The following PRKG1 variants were observed in gnomAD, a reference collection of about 807,000 sequenced individuals.
The protein encoded by PRKG1 is protein kinase cGMP-dependent 1, also known as cGMP-dependent protein kinase 1.
Under a neutral mutation model 88.1 loss-of-function variants are expected in PRKG1, and 35 were observed. That is an observed-to-expected ratio of 0.40 (90% CI 0.30 to 0.53). The LOEUF (loss-of-function observed/expected upper bound fraction) is 0.53. Among genes scored for constraint, PRKG1 ranks in the 20% least tolerant of loss-of-function variants. The pLI is 0.59. For missense variants in PRKG1, 540 were observed against 839.8 expected (o/e 0.64, Z 4.41); for synonymous variants, 303 against 292.5 (o/e 1.04, Z -0.37).
chr10:51,762,312 A>G (rs1252508148), intron 3 of PRKG1, among the ~76,000 whole-genome samples: 1 of 152,178 alleles, frequency 6.6e-6, no homozygotes, highest in African/African-American at 2.4e-5. Context: ...TAGGCTCCTC[A>G]TATTTGGATA....
intron 1 of PRKG1, among the ~76,000 whole-genome samples, chr10:51,144,075 T>C (rs1391943195): frequency 6.6e-6 from 1 of 152,134 alleles, no homozygotes; most frequent in Non-Finnish European, 1.5e-5. Flanking sequence ...TTCCCCTATG[T>C]TTTCCTCTAG....
intron 2 of PRKG1, among the ~76,000 whole-genome samples, chr10:51,324,271 C>A (rs1332414481): frequency 6.6e-6 from 1 of 152,060 alleles, no homozygotes; most frequent in Non-Finnish European, 1.5e-5. Flanking sequence ...CCTTCCAGGC[C>A]TCTAGTAACC....
intron 3 of PRKG1, among the ~76,000 whole-genome samples, chr10:51,592,824 A>G (rs1005135741): frequency 3.3e-5 from 5 of 152,138 alleles, no homozygotes; most frequent in African/African-American, 1.2e-4. Context: ...GCTACATCTC[A>G]TGAAGGGAAC....
At chr10:52,205,532 G>GT (rs947904428) in intron 9 of PRKG1, among the ~76,000 whole-genome samples, 7 of 152,186 alleles carry the variant, frequency 4.6e-5, no homozygotes, top group African/African-American at 1.7e-4. Context: ...TTAAAAGTGT[G>GT]TTTTTTTGGT....
chr10:51,343,102 T>C (rs1331734753), intron 2 of PRKG1, among the ~76,000 whole-genome samples: 1 of 152,242 alleles, frequency 6.6e-6, no homozygotes, highest in African/African-American at 2.4e-5. Flanking sequence ...CAAAATTCAC[T>C]GCAATGTGAG....
intron 2 of PRKG1, among the ~76,000 whole-genome samples, chr10:51,243,551 G>T (rs980401755): frequency 1.8e-4 from 28 of 152,126 alleles, no homozygotes; most frequent in Non-Finnish European, 4.4e-5. Context: ...GAGACCTAAA[G>T]AAATTGTTTT....
intron 4 of PRKG1, among the ~76,000 whole-genome samples, chr10:51,806,400 A>G (rs192966542): frequency 4.6e-5 from 7 of 152,172 alleles, no homozygotes; most frequent in South Asian, 2.1e-4. Flanking sequence ...GCACGTGTGT[A>G]TGTGTGTGTG....
At chr10:51,159,512 T>C (rs189361538) in intron 2 of PRKG1, among the ~76,000 whole-genome samples, 47 of 152,256 alleles carry the variant, frequency 3.1e-4, no homozygotes, top group East Asian at 1.9e-4. Flanking sequence ...GTACTACTTA[T>C]ATAAAAACAA....
intron 5 of PRKG1, among the ~76,000 whole-genome samples, chr10:52,036,341 A>T (rs1172062473): frequency 6.6e-6 from 1 of 151,960 alleles, no homozygotes; most frequent in South Asian, 2.1e-4. Context: ...AGGCAAAACA[A>T]TTTGGTTGAT....
At chr10:52,151,729 A>T (rs1476974938) in intron 8 of PRKG1, among the ~76,000 whole-genome samples, 1 of 152,190 alleles carries the variant, frequency 6.6e-6, no homozygotes, top group Non-Finnish European at 1.5e-5. Context: ...AAAAGGAAAC[A>T]TATAGACTGG....
At chr10:51,721,909 C>T (rs1589232058) in intron 3 of PRKG1, among the ~76,000 whole-genome samples, 1 of 152,180 alleles carries the variant, frequency 6.6e-6, no homozygotes, top group East Asian at 1.9e-4. Context: ...TTGCCTTCTT[C>T]AGGGAAGGAT....
At chr10:51,574,113 A>G (rs1174379830) in intron 3 of PRKG1, among the ~76,000 whole-genome samples, 7 of 151,990 alleles carry the variant, frequency 4.6e-5, no homozygotes, top group Admixed American at 2.0e-4. Flanking sequence ...ACATTGGAAG[A>G]GAAAGCATCT....
chr10:52,044,200 C>T (rs191214027), intron 5 of PRKG1, among the ~76,000 whole-genome samples: 1 of 152,146 alleles, frequency 6.6e-6, no homozygotes, highest in East Asian at 1.9e-4. Flanking sequence ...GTGAGAAGTG[C>T]TAAAAGTTAG....
At chr10:51,761,233 T>A (rs1361761297) in intron 3 of PRKG1, among the ~76,000 whole-genome samples, 2 of 152,250 alleles carry the variant, frequency 1.3e-5, no homozygotes, top group African/African-American at 2.4e-5. Flanking sequence ...AACATTTGTG[T>A]CTTTAATTAG....
chr10:51,154,531 C>T (rs1846157798), intron 2 of PRKG1, among the ~76,000 whole-genome samples: 1 of 151,938 alleles, frequency 6.6e-6, no homozygotes, highest in Admixed American at 6.6e-5. Flanking sequence ...AAGTATAGAA[C>T]ACCACAACAT....
At chr10:51,921,862 T>G (rs1842470174) in intron 5 of PRKG1, among the ~76,000 whole-genome samples, 1 of 152,036 alleles carries the variant, frequency 6.6e-6, no homozygotes, top group Non-Finnish European at 1.5e-5. Flanking sequence ...GAGATGTCGG[T>G]CAGTAGTTTT....
chr10:51,865,547 A>C (rs930399727), intron 4 of PRKG1, among the ~76,000 whole-genome samples: 1 of 152,080 alleles, frequency 6.6e-6, no homozygotes, highest in Non-Finnish European at 1.5e-5. Context: ...TCCATTCCTG[A>C]ATCTGCCTTA....
intron 4 of PRKG1, among the ~76,000 whole-genome samples, chr10:51,862,204 A>G (rs1441499680): frequency 1.3e-5 from 2 of 152,116 alleles, no homozygotes; most frequent in South Asian, 2.1e-4. Context: ...GTTACAGCTC[A>G]TTTGTTCCCA....
At chr10:51,611,408 C>T (rs1464233421) in intron 3 of PRKG1, among the ~76,000 whole-genome samples, 1 of 151,670 alleles carries the variant, frequency 6.6e-6, no homozygotes, top group Admixed American at 6.6e-5. Flanking sequence ...TGTCTGTTGG[C>T]CATTTGTATG....
Sources: allele counts gnomAD v4.1 joint callset (sites outside exome capture counted in the v4.1 genomes callset), GRCh38; gene constraint gnomAD v4.1.1; transcripts MANE v1.5; gene names NCBI Gene and HGNC (gene_info 2026-07-23, HGNC 2026-07-21).